The following ROS1 variants were observed in gnomAD, a reference collection of about 807,000 sequenced individuals.
ROS1 encodes the protein proto-oncogene tyrosine-protein kinase ROS.
ROS1 carries 263 observed loss-of-function variants against 273.5 expected under a neutral mutation model. The observed-to-expected ratio is 0.96, with a 90% confidence interval of 0.87 to 1.06. ROS1 has a LOEUF of 1.06. ROS1 is among the 50% of genes least tolerant of loss of function. The pLI, the probability that ROS1 is intolerant of heterozygous loss-of-function variation, is 0.00. For synonymous variants in ROS1, 1,008 were observed against 954.1 expected, an observed-to-expected ratio of 1.06 and a Z score of -1.04; for missense variants, 2,833 against 2,751.1, an observed-to-expected ratio of 1.03 and a Z score of -0.67.
chr6:117,392,622 A>G (rs371058768), intron 12 of ROS1, among the ~76,000 whole-genome samples: 85 of 152,338 alleles, frequency 5.6e-4, no homozygotes, highest in African/African-American at 1.8e-3. Context: ...ATGGATTGAT[A>G]AATCAATGGT....
intron 41 of ROS1, 147 bp from the exon 42 acceptor site, chr6:117,309,075 A>G: frequency 1.5e-6 from 1 of 681,348 alleles, no homozygotes; most frequent in East Asian, 2.7e-5. Context: ...GGCAGATATA[A>G]AAGCAGGCTG....
intron 43 of ROS1, among the ~76,000 whole-genome samples, chr6:117,290,802 T>C (rs1773782290): frequency 6.6e-6 from 1 of 152,172 alleles, no homozygotes; most frequent in Non-Finnish European, 1.5e-5. Context: ...ATGGTATTAT[T>C]GCTCCCTGTT....
chr6:117,298,871 T>C (rs1774455168), intron 43 of ROS1, among the ~76,000 whole-genome samples: 1 of 152,208 alleles, frequency 6.6e-6, no homozygotes, highest in South Asian at 2.1e-4. Context: ...ATTTTTTTAA[T>C]TATCAAAATT....
At chr6:117,330,414 G>A (rs2128596606) in intron 32 of ROS1, among the ~76,000 whole-genome samples, 1 of 152,208 alleles carries the variant, frequency 6.6e-6, no homozygotes, top group East Asian at 1.9e-4. Flanking sequence ...AGGAATCTGG[G>A]AAGCCCAGAC....
intron 42 of ROS1, among the ~76,000 whole-genome samples, chr6:117,303,955 C>T (rs991814996): frequency 6.6e-6 from 1 of 152,110 alleles, no homozygotes; most frequent in African/African-American, 2.4e-5. Flanking sequence ...CATACAAACT[C>T]CACTTCCATT....
chr6:117,357,370 G>A (rs1323115617), intron 25 of ROS1, among the ~76,000 whole-genome samples: 1 of 152,114 alleles, frequency 6.6e-6, no homozygotes, highest in Non-Finnish European at 1.5e-5. Flanking sequence ...CTACTTAGGT[G>A]CTAAAAGGAA....
At chr6:117,360,299 C>G (rs1332184111) in intron 23 of ROS1, 43 bp downstream of exon 23, 12 of 1,455,514 alleles carry the variant, frequency 8.2e-6, no homozygotes, top group Non-Finnish European at 1.2e-5. Context: ...CACACACACA[C>G]GCCTCTAAAT....
intron 32 of ROS1, among the ~76,000 whole-genome samples, chr6:117,330,254 G>A (rs2128595972): frequency 6.6e-6 from 1 of 152,206 alleles, no homozygotes; most frequent in South Asian, 2.1e-4. Context: ...TCCTTCCTCA[G>A]TGGGTGGGGC....
intron 28 of ROS1, 22 bp downstream of exon 28, chr6:117,344,038 A>T: frequency 6.4e-7 from 1 of 1,567,884 alleles, no homozygotes; most frequent in East Asian, 2.2e-5. Flanking sequence ...GAAAAGACAA[A>T]GACCACTAGT....
intron 21 of ROS1, 79 bp from the exon 22 acceptor site, chr6:117,362,944 G>T: frequency 8.3e-7 from 1 of 1,202,800 alleles, no homozygotes; most frequent in Non-Finnish European, 1.1e-6. Context: ...CTTATAATAA[G>T]ATTGTAAACA....
intron 31 of ROS1, among the ~76,000 whole-genome samples, chr6:117,338,853 G>A (rs1334307092): frequency 6.6e-6 from 1 of 152,070 alleles, no homozygotes. Context: ...GGCTACCATA[G>A]AGGGATTTTC....
chr6:117,339,862 C>T (rs1414270081), intron 31 of ROS1, among the ~76,000 whole-genome samples: 2 of 152,038 alleles, frequency 1.3e-5, no homozygotes, highest in Non-Finnish European at 2.9e-5. Context: ...CTATTCCTTC[C>T]ACGGACAGCA....
rs193183299 is a variant in ROS1, at chr6:117,371,719, G to A, written c.2583-5429C>T. ...AAGTTCTTAGTCCTACTCACTGGCTGCATGGGAGACATGGTGGGAGTGAGA... is the reference window on the plus strand; with the variant it reads ...AAGTTCTTAGTCCTACTCACTGGCTACATGGGAGACATGGTGGGAGTGAGA... On this transcript the variant is annotated intron_variant, in intron 18 of 43. Transcript: ENST00000368507. Among the ~76,000 whole-genome samples the A allele has an allele frequency of 2.6e-3, 401 of 152,338 alleles. 2 individuals carry two copies. Among genetic ancestry groups the A allele is most frequent in the African/African-American group, 8.7e-3 (363 of 41,578 alleles).
Position 117,291,484 on chromosome 6 carries a change from C to A in ROS1, c.6716-2682G>T, listed in dbSNP as rs552938445. 3.3e-5 allele frequency among the ~76,000 whole-genome samples: 5 copies of A among 152,248 alleles called. No individual in the cohort carries two copies. In the South Asian group the frequency reaches 8.3e-4, roughly 25 times the overall value. The stretch of plus-strand genomic sequence containing the variant: ...TAGCTGTGCAGTACACTATTGGTAA[C>A]ATAACTGGGGATATTGTTTGGGCCA... On this transcript the variant is annotated intron_variant, in intron 43 of 43. Coordinates refer to ENST00000368507, the MANE Select transcript of ROS1 (RefSeq NM_001378902.1).
Position 117,388,497 on chromosome 6 carries a change from A to T in ROS1, c.1787-505T>A, listed in dbSNP as rs1458403959. ...AACAGCCAATGTTTTCTAAATACTT[A>T]CTATCGTCTAGGGGATCAGGGATTG... On this transcript the variant is annotated intron_variant, in intron 13 of 43. Transcript: ENST00000368507. 2.0e-5 allele frequency among the ~76,000 whole-genome samples: 3 copies of T among 152,212 alleles called. No individual in the cohort carries two copies. In the East Asian group the frequency reaches 5.8e-4, roughly 29 times the overall value.
At chr6:117,376,881 A>G (rs1332218163) in intron 18 of ROS1, among the ~76,000 whole-genome samples, 1 of 152,204 alleles carries the variant, frequency 6.6e-6, no homozygotes, top group Non-Finnish European at 1.5e-5. Flanking sequence ...TATTCTAGAA[A>G]TTAGTGAGAT....
chr6:117,377,986 C>G (rs985386403), intron 18 of ROS1, among the ~76,000 whole-genome samples: 4 of 152,072 alleles, frequency 2.6e-5, no homozygotes, highest in Non-Finnish European at 5.9e-5. Flanking sequence ...TTTACTGCTT[C>G]CCACACCAAA....
chr6:117,311,738 AGAGT>A (rs1284842307), intron 39 of ROS1, among the ~76,000 whole-genome samples: 8 of 152,134 alleles, frequency 5.3e-5, no homozygotes, highest in Non-Finnish European at 1.2e-4. Context: ...CTCATCTAAG[AGAGT>A]GAGTACAAAC....
At chr6:117,352,378 T>C (rs1473417272) in intron 27 of ROS1, among the ~76,000 whole-genome samples, 1 of 152,216 alleles carries the variant, frequency 6.6e-6, no homozygotes, top group Non-Finnish European at 1.5e-5. Flanking sequence ...CTAGGAATCA[T>C]TGCACTGTAC....
Sources: gnomAD v4.1 joint callset for allele counts (sites outside exome capture counted in the v4.1 genomes callset) on GRCh38, gnomAD v4.1.1 for gene constraint, MANE v1.5 for transcripts, NCBI Gene and HGNC (gene_info 2026-07-23, HGNC 2026-07-21) for gene names.